The following FGF13 variants were observed in gnomAD, a reference collection of about 807,000 sequenced individuals.
FGF13 encodes the protein fibroblast growth factor 13.
A neutral mutation model predicts 19.5 loss-of-function variants in FGF13; 2 were observed. The observed-to-expected ratio is 0.10, with a 90% CI of 0.04 to 0.32. The LOEUF is 0.32. Ranked by LOEUF, FGF13 falls within the 10% of genes least tolerant of loss-of-function variation. The probability of loss-of-function intolerance (pLI) is 1.00; values close to 1 mark genes in which losing one functional copy is unlikely to be tolerated. For synonymous variants in FGF13, 72 were observed against 76.9 expected (o/e 0.94, Z 0.33); for missense variants, 113 against 192.7 (o/e 0.59, Z 2.45).
intron 1 of FGF13, among the ~76,000 whole-genome samples, chrX:138,975,427 A>C (rs1603087987): frequency 8.9e-6 from 1 of 112,221 alleles, no homozygotes; most frequent in Non-Finnish European, 1.9e-5. Context: ...ACTGTAAAGA[A>C]GAAAGGCCTT....
chrX:138,689,547 C>CA lies in FGF13; in HGVS notation c.402+13436dup, dbSNP rs770306448. Among the ~76,000 whole-genome samples the CA allele has an allele frequency of 7.1e-5, 8 of 112,099 alleles. No homozygotes were observed. In the South Asian group the frequency reaches 3.0e-3, roughly 42 times the overall value. On this transcript the variant is annotated intron_variant, in intron 3 of 4. Transcript: ENST00000315930. ...CTCTTGATGCTGAAACTCCTAGTCT[C>CA]ACCAAGGCTTCTGAGGTTCAAGATA...
intron 1 of FGF13, among the ~76,000 whole-genome samples, chrX:139,043,941 G>T (rs1443770132): frequency 9.0e-6 from 1 of 111,616 alleles, no homozygotes; most frequent in Non-Finnish European, 1.9e-5. Flanking sequence ...AGATAAAATA[G>T]ATTAGAGCTT....
Position 138,616,411 on chromosome X carries a change from T to C in FGF13, c.*16439A>G, listed in dbSNP as rs2088968014. ...CCTTAGGCTCCATGTCTCACATCTA[T>C]CCAGGTCACAATGATGCAAGGGGTG... On this transcript the variant is annotated 3_prime_UTR_variant, in exon 5 of 5. Transcript: ENST00000315930. 8.9e-6 allele frequency: 1 copy of C among 112,785 alleles called. No individual in the cohort carries two copies. Among genetic ancestry groups the C allele is most frequent in the African/African-American group, 3.2e-5 (1 of 31,063 alleles). 9.3% of individuals were successfully genotyped at this position (112,785 alleles called of 1,213,427 possible).
intron 3 of FGF13, among the ~76,000 whole-genome samples, chrX:138,645,087 T>C (rs2089291639): frequency 8.9e-6 from 1 of 111,745 alleles, no homozygotes; most frequent in South Asian, 3.8e-4. Flanking sequence ...GAAGAATTAA[T>C]TCTAATCTAG....
intron 1 of FGF13, among the ~76,000 whole-genome samples, chrX:139,060,722 T>G (rs1455396551): frequency 1.8e-5 from 2 of 111,955 alleles, no homozygotes; most frequent in Admixed American, 1.9e-4. Context: ...ACGTATATAC[T>G]TGTTCAAAGT....
chrX:138,791,665 C>T (rs187043166), intron 3 of FGF13, among the ~76,000 whole-genome samples: 24 of 112,124 alleles, frequency 2.1e-4, no homozygotes, highest in Non-Finnish European at 3.9e-4. Context: ...TCTGTACCAA[C>T]ACTTTAATTT....
intron 1 of FGF13, among the ~76,000 whole-genome samples, chrX:139,125,708 AG>A: frequency 8.9e-6 from 1 of 111,849 alleles, no homozygotes; most frequent in Non-Finnish European, 1.9e-5. Flanking sequence ...GCCCTGTGTT[AG>A]GGGGACAGTA....
chrX:138,714,618 C>G (rs2090083938), upstream of FGF13: 2 of 112,046 alleles, frequency 1.8e-5, no homozygotes, highest in African/African-American at 6.5e-5. Context: ...ACACTCCAGC[C>G]TGGGCGATAA....
chrX:138,845,595 A>G (rs1467235563), intron 3 of FGF13, among the ~76,000 whole-genome samples: 1 of 111,515 alleles, frequency 9.0e-6, no homozygotes, highest in East Asian at 2.8e-4. Context: ...GAAGGGAGAG[A>G]GACCACTTTT....
At chrX:139,073,911 T>C (rs183941495) in intron 1 of FGF13, among the ~76,000 whole-genome samples, 17 of 112,715 alleles carry the variant, frequency 1.5e-4, no homozygotes, top group Admixed American at 9.4e-4. Context: ...CAAAGTTGTA[T>C]GGAAAGATGT....
At chrX:138,645,189 T>A (rs17538997) in intron 3 of FGF13, among the ~76,000 whole-genome samples, 1,287 of 112,269 alleles carry the variant, frequency 0.011, 16 homozygotes, top group African/African-American at 0.039. Context: ...CACCTCTCAG[T>A]AATTACTTCC....
At chrX:138,973,737 T>A (rs1247303548) in intron 1 of FGF13, among the ~76,000 whole-genome samples, 1 of 112,373 alleles carries the variant, frequency 8.9e-6, no homozygotes, top group African/African-American at 3.2e-5. Flanking sequence ...TTTATCATTA[T>A]ATAATTGCCT....
intron 3 of FGF13, among the ~76,000 whole-genome samples, chrX:138,688,185 G>A (rs183079591): frequency 9.2e-6 from 1 of 108,337 alleles, no homozygotes; most frequent in African/African-American, 3.4e-5. Context: ...GGATGGTCTC[G>A]ATCTCCTGAC....
rs924010479 is a variant in FGF13 at position 138,868,720 on chromosome X, C to T, written c.-112-4070G>A. Reference sequence around the variant, plus strand: ...CTAGAAAATGTGCTCATCAACACCACACCTCTTCACATGGCATGCTGGAAG... The same window carrying T: ...CTAGAAAATGTGCTCATCAACACCATACCTCTTCACATGGCATGCTGGAAG... On this transcript the variant is annotated intron_variant, in intron 1 of 2. Coordinates refer to the FGF13 transcript ENST00000421460. Among the ~76,000 whole-genome samples the T allele has an allele frequency of 8.1e-5, 9 of 110,996 alleles. 1 individual carries two copies. In the East Asian group the frequency reaches 2.3e-3, roughly 28 times the overall value.
intron 3 of FGF13, among the ~76,000 whole-genome samples, chrX:138,771,743 T>C (rs746921128): frequency 2.0e-3 from 223 of 109,317 alleles, no homozygotes; most frequent in African/African-American, 6.8e-3. Context: ...AAGCTCTTCT[T>C]GCAGAAAAAA....
intron 1 of FGF13, among the ~76,000 whole-genome samples, chrX:139,159,399 A>G (rs898675721): frequency 9.0e-6 from 1 of 111,681 alleles, no homozygotes; most frequent in African/African-American, 3.3e-5. Flanking sequence ...GACCATCAAC[A>G]CTATGAAGAA....
In FGF13 at chrX:138,648,365, G is replaced by C. The variant is rs770105288; in HGVS notation, c.403-12710C>G. On this transcript the variant is annotated intron_variant, in intron 3 of 4. Transcript: ENST00000315930. ...AGGATAAAATCTAAACTCCCTGGCC[G>C]GGCGTTCAAGGCCCTCCACAATCTG... 9.9e-5 allele frequency among the ~76,000 whole-genome samples: 11 copies of C among 111,454 alleles called. No homozygotes were observed. The South Asian group carries it at 4.2e-3, about 42-fold the overall frequency.
chrX:138,688,301 T>C (rs1251257902), intron 3 of FGF13, among the ~76,000 whole-genome samples: 1 of 110,450 alleles, frequency 9.1e-6, no homozygotes, highest in Non-Finnish European at 1.9e-5. Flanking sequence ...AGTAGAATGA[T>C]GGTTACCAGA....
Position 139,001,295 on chromosome X carries a change from A to T in FGF13, c.-112-136645T>A, listed in dbSNP as rs746239573. The stretch of plus-strand genomic sequence containing the variant: ...GGATGTGCAAAGACTTCATGACTAA[A>T]ACACCAAAAACAATGGCAAGAAAAG... On this transcript the variant is annotated intron_variant, in intron 1 of 2. Coordinates refer to the FGF13 transcript ENST00000421460. 5.9e-4 allele frequency among the ~76,000 whole-genome samples: 66 copies of T among 111,461 alleles called. 2 individuals are homozygous for T. The highest frequency in any genetic ancestry group is 1.7e-4 in the Non-Finnish European group (9 of 53,207).
Sources: gnomAD v4.1 joint callset for allele counts (sites outside exome capture counted in the v4.1 genomes callset) on GRCh38, gnomAD v4.1.1 for gene constraint, MANE v1.5 for transcripts, NCBI Gene and HGNC (gene_info 2026-07-23, HGNC 2026-07-21) for gene names.